The following IL34 variants were observed in gnomAD, a reference collection of about 807,000 sequenced individuals.
IL34 encodes interleukin-34.
In IL34, 17 loss-of-function variants were observed where a neutral mutation model predicts 25.3. The observed-to-expected ratio is 0.67, with a 90% confidence interval of 0.46 to 1.01. IL34 has a LOEUF of 1.01. Among genes scored for constraint, IL34 ranks in the 50% least tolerant of loss-of-function variants. The probability of loss-of-function intolerance (pLI) is 0.00; values close to 1 mark genes in which losing one functional copy is unlikely to be tolerated. For synonymous variants in IL34, 174 were observed against 140.9 expected (o/e 1.23, Z -1.66); for missense variants, 368 against 312.9 (o/e 1.18, Z -1.33).
chr16:70,641,810 AC>A (rs5817707), upstream of IL34, among the ~76,000 whole-genome samples: 151,582 of 151,606 alleles, frequency 1, 75,779 homozygotes, highest in Middle Eastern at 1. Flanking sequence ...CAAGCAATCC[AC>A]CCCCCCGCAA....
intron 1 of IL34, among the ~76,000 whole-genome samples, chr16:70,593,753 C>T (rs116180553): frequency 0.032 from 4,917 of 152,142 alleles, 301 homozygotes; most frequent in African/African-American, 0.11. Context: ...TCTCAGACTC[C>T]TGCCCTCAAG....
intron 1 of IL34, among the ~76,000 whole-genome samples, chr16:70,594,522 T>A (rs1343660530): frequency 6.6e-6 from 1 of 152,214 alleles, no homozygotes; most frequent in Non-Finnish European, 1.5e-5. Context: ...CAAAGACAGT[T>A]ACTGATGCCT....
In IL34 at chr16:70,656,594, C is replaced by A; in HGVS notation, c.163-8C>A. The A allele has an allele frequency of 8.2e-7, 1 of 1,215,492 alleles. No individual in the cohort carries two copies. The highest frequency in any genetic ancestry group is 1.2e-6 in the Non-Finnish European group (1 of 815,402). The allele number at this position is 1,215,492 out of a possible 1,614,324, so 75.3% of individuals were successfully genotyped here. On this transcript the variant is annotated splice_region_variant and splice_polypyrimidine_tract_variant and intron_variant, in intron 2 of 5. Coordinates refer to ENST00000288098, the MANE Select transcript of IL34 (RefSeq NM_001393494.1). Reference sequence around the variant, plus strand: ...CTGGCCTCATAGTTTGTTCTTGTGCCTCTCCAGAAACACTACTTCCCCATC... The same window carrying A: ...CTGGCCTCATAGTTTGTTCTTGTGCATCTCCAGAAACACTACTTCCCCATC...
At chr16:70,650,791 A>G (rs1196547667) in intron 1 of IL34, among the ~76,000 whole-genome samples, 1 of 152,214 alleles carries the variant, frequency 6.6e-6, no homozygotes, top group Non-Finnish European at 1.5e-5. Context: ...ACTCTGGGGC[A>G]GGCAGGACAA....
intron 1 of IL34, among the ~76,000 whole-genome samples, chr16:70,602,613 G>GTA (rs918484490): frequency 6.6e-6 from 1 of 151,826 alleles, no homozygotes; most frequent in African/African-American, 2.4e-5. Flanking sequence ...GTGTGTGTGT[G>GTA]TGTGTGTGTG....
At chr16:70,632,056 C>T (rs8063038) in intron 1 of IL34, among the ~76,000 whole-genome samples, 12,169 of 148,666 alleles carry the variant, frequency 0.082, 1,608 homozygotes, top group African/African-American at 0.28. Context: ...GAGTGGAGAT[C>T]GTGCCACTGC....
At chr16:70,641,964 G>C (rs1353280985), upstream of IL34, among the ~76,000 whole-genome samples, 1 of 152,080 alleles carries the variant, frequency 6.6e-6, no homozygotes, top group South Asian at 2.1e-4. Context: ...AGAAAATGTG[G>C]GATATTCATG....
At chr16:70,644,475 G>C (rs1268292395), upstream of IL34, among the ~76,000 whole-genome samples, 1 of 151,948 alleles carries the variant, frequency 6.6e-6, no homozygotes, top group Non-Finnish European at 1.5e-5. Context: ...TGAATTTTTT[G>C]GGTAGATGGA....
At chr16:70,652,615 A>G (rs949722360) in intron 1 of IL34, among the ~76,000 whole-genome samples, 17 of 152,228 alleles carry the variant, frequency 1.1e-4, no homozygotes, top group Non-Finnish European at 2.4e-4. Flanking sequence ...TATTGGCTAC[A>G]TGCATTATTA....
chr16:70,583,598 C>G (rs2050659135), intron 1 of IL34, among the ~76,000 whole-genome samples: 1 of 152,038 alleles, frequency 6.6e-6, no homozygotes, highest in Non-Finnish European at 1.5e-5. Flanking sequence ...GGAAGCCTGG[C>G]CTGGGAGTTG....
chr16:70,628,978 C>G (rs1293848585), intron 1 of IL34, among the ~76,000 whole-genome samples: 1 of 151,972 alleles, frequency 6.6e-6, no homozygotes, highest in Non-Finnish European at 1.5e-5. Flanking sequence ...AATGTATAGA[C>G]AGGGTCTTGG....
At chr16:70,581,148 G>T (rs1413222207) in intron 1 of IL34, among the ~76,000 whole-genome samples, 1 of 152,092 alleles carries the variant, frequency 6.6e-6, no homozygotes, top group East Asian at 1.9e-4. Context: ...CTGACCTCAA[G>T]TGATCCACCC....
rs141468324 is a variant in IL34, at chr16:70,586,381, C to A, written c.-401+6332C>A. ...TCCAGGAGTTGGAGATCAGCCTGGG[C>A]AACATGGAAAGACTTCGTCTATACA... On this transcript the variant is annotated intron_variant, in intron 1 of 6. Coordinates refer to the IL34 transcript ENST00000429149. 5.3e-5 allele frequency among the ~76,000 whole-genome samples: 8 copies of A among 152,218 alleles called. 1 individual carries two copies. The highest frequency in any genetic ancestry group is 4.1e-4 in the South Asian group (2 of 4,822).
At chr16:70,658,671 A>T (rs1973090) in intron 4 of IL34, among the ~76,000 whole-genome samples, 1 of 151,568 alleles carries the variant, frequency 6.6e-6, no homozygotes, top group Non-Finnish European at 1.5e-5. Context: ...GGGTTCTGCC[A>T]TGTTGGTTAG....
At chr16:70,624,238 C>G (rs1050687280) in intron 1 of IL34, among the ~76,000 whole-genome samples, 24 of 151,796 alleles carry the variant, frequency 1.6e-4, no homozygotes, top group African/African-American at 5.6e-4. Flanking sequence ...ATTTCCGGCA[C>G]GTGTAGCAAG....
intron 1 of IL34, among the ~76,000 whole-genome samples, chr16:70,633,642 T>TGG (rs1436968673): frequency 2.6e-5 from 4 of 152,112 alleles, no homozygotes; most frequent in African/African-American, 4.8e-5. Flanking sequence ...CCATAATTGG[T>TGG]GGCTTAAAGC....
intron 1 of IL34, among the ~76,000 whole-genome samples, chr16:70,594,099 C>T (rs972273449): frequency 6.6e-6 from 1 of 152,132 alleles, no homozygotes; most frequent in African/African-American, 2.4e-5. Flanking sequence ...TTTGTGTTGT[C>T]CTTCTAGGTC....
intron 1 of IL34, among the ~76,000 whole-genome samples, chr16:70,597,877 G>T (rs189478387): frequency 1.7e-3 from 266 of 152,122 alleles, no homozygotes; most frequent in Non-Finnish European, 2.8e-3. Context: ...TGCTCTTGTC[G>T]TCCAGGCTGG....
chr16:70,637,180 T>A (rs1419136668), intron 1 of IL34, among the ~76,000 whole-genome samples: 1 of 151,914 alleles, frequency 6.6e-6, no homozygotes, highest in Non-Finnish European at 1.5e-5. Flanking sequence ...CATTTTTAAT[T>A]TTTTCAGTTT....
Sources: gnomAD v4.1 joint callset for allele counts (sites outside exome capture counted in the v4.1 genomes callset) on GRCh38, gnomAD v4.1.1 for gene constraint, MANE v1.5 for transcripts, NCBI Gene and HGNC (gene_info 2026-07-23, HGNC 2026-07-21) for gene names.